Variants in BBS9 observed in about 807,000 individuals in gnomAD.
BBS9 encodes the protein Bardet-Biedl syndrome 9, also known as protein PTHB1.
Under a neutral mutation model 117.7 loss-of-function variants are expected in BBS9, and 89 were observed. The observed-to-expected ratio is 0.76, with a 90% CI of 0.64 to 0.90. The LOEUF is 0.90. Ranked by LOEUF, BBS9 falls within the 40% of genes least tolerant of loss-of-function variation. The pLI, the probability that BBS9 is intolerant of heterozygous loss-of-function variation, is 0.00. For synonymous variants in BBS9, 379 were observed against 370.9 expected, an observed-to-expected ratio of 1.02 and a Z score of -0.25; for missense variants, 982 against 1,042.2, an observed-to-expected ratio of 0.94 and a Z score of 0.80.
At chr7:33,288,622 A>G (rs1803378551) in intron 9 of BBS9, among the ~76,000 whole-genome samples, 1 of 152,142 alleles carries the variant, frequency 6.6e-6, no homozygotes, top group South Asian at 2.1e-4. Context: ...TTATGTTCAA[A>G]TGTTTTTGAG....
chr7:33,292,507 A>G (rs1804273017), intron 9 of BBS9, among the ~76,000 whole-genome samples: 1 of 152,128 alleles, frequency 6.6e-6, no homozygotes, highest in Admixed American at 6.5e-5. Context: ...GATTACAGGC[A>G]TGACCCACCG....
intron 20 of BBS9, among the ~76,000 whole-genome samples, chr7:33,528,437 A>G (rs548343972): frequency 9.2e-5 from 14 of 152,158 alleles, no homozygotes; most frequent in African/African-American, 3.4e-4. Context: ...TTTTCCCTAT[A>G]CCACTGTAGT....
At position 33,357,857 on chromosome 7, in the gene BBS9, A is replaced by G. The variant is rs767182913; in HGVS notation, c.1555A>G (p.Ile519Val). 1 of 1,611,770 alleles carries G rather than the reference A, an allele frequency of 6.2e-7. No homozygotes were observed. The highest frequency in any genetic ancestry group is 8.5e-7 in the Non-Finnish European group (1 of 1,178,206). The change falls in exon 16 of 23, where the codon ATT (isoleucine) becomes GTT (valine). Residue 519 changes from isoleucine to valine, a missense_variant and splice_region_variant. Coordinates refer to ENST00000242067, the MANE Select transcript of BBS9 (RefSeq NM_198428.3). ...TACATATCTCTCTTTTATTTTAGGC[A>G]TTCCGCGAGTTATCCAATGTAAATT... ...SRPTDRNPDGIPRVIQCKFRL... is the reference protein window; with the variant it reads ...SRPTDRNPDGVPRVIQCKFRL...
intron 5 of BBS9, among the ~76,000 whole-genome samples, chr7:33,256,193 C>T (rs1295133922): frequency 6.6e-6 from 1 of 151,800 alleles, no homozygotes; most frequent in African/African-American, 2.4e-5. Flanking sequence ...AAAACCAAAA[C>T]AACAAAAACA....
At chr7:33,142,033 T>G (rs1791551297) in intron 1 of BBS9, among the ~76,000 whole-genome samples, 1 of 152,118 alleles carries the variant, frequency 6.6e-6, no homozygotes, top group African/African-American at 2.4e-5. Context: ...CCTCCCGGGT[T>G]CATGCCATTC....
At chr7:33,580,750 A>C (rs1859739026) in intron 21 of BBS9, among the ~76,000 whole-genome samples, 1 of 152,174 alleles carries the variant, frequency 6.6e-6, no homozygotes, top group African/African-American at 2.4e-5. Flanking sequence ...ATACAATAGA[A>C]ATCATTCTAT....
At chr7:33,532,296 G>C (rs571221031) in intron 20 of BBS9, among the ~76,000 whole-genome samples, 1 of 152,366 alleles carries the variant, frequency 6.6e-6, no homozygotes, top group Non-Finnish European at 1.5e-5. Flanking sequence ...ATACAGTGGA[G>C]CAAGAGCTGG....
intron 4 of BBS9, among the ~76,000 whole-genome samples, chr7:33,159,227 AT>A (rs1794496361): frequency 6.6e-6 from 1 of 152,178 alleles, no homozygotes; most frequent in African/African-American, 2.4e-5. Context: ...ATTTTGAGAG[AT>A]TGACCACAAC....
chr7:33,202,723 G>T (rs540145523), intron 5 of BBS9, among the ~76,000 whole-genome samples: 4 of 152,184 alleles, frequency 2.6e-5, no homozygotes, highest in African/African-American at 9.6e-5. Context: ...GCAAGGGGGA[G>T]GTCTGCCCCC....
chr7:33,432,534 T>A (rs1396157283), intron 19 of BBS9, among the ~76,000 whole-genome samples: 2 of 152,164 alleles, frequency 1.3e-5, no homozygotes, highest in African/African-American at 4.8e-5. Flanking sequence ...AACTAGCTAA[T>A]ATCATCCAAT....
At chr7:33,397,730 C>T (rs1828227410) in intron 19 of BBS9, among the ~76,000 whole-genome samples, 1 of 152,138 alleles carries the variant, frequency 6.6e-6, no homozygotes, top group Non-Finnish European at 1.5e-5. Context: ...GAAAACCAAA[C>T]ACTGCATGTT....
At chr7:33,559,875 A>G (rs1855837083) in intron 21 of BBS9, among the ~76,000 whole-genome samples, 2 of 151,988 alleles carry the variant, frequency 1.3e-5, no homozygotes, top group African/African-American at 4.8e-5. Context: ...AAGGATGCAT[A>G]TTCTCCTTTG....
chr7:33,432,081 C>G (rs537444810), intron 19 of BBS9, among the ~76,000 whole-genome samples: 1 of 150,730 alleles, frequency 6.6e-6, no homozygotes, highest in African/African-American at 2.4e-5. Context: ...TTTTTTCTTT[C>G]TTTCTTTCTT....
intron 5 of BBS9, among the ~76,000 whole-genome samples, chr7:33,211,372 C>G (rs893005396): frequency 6.6e-6 from 1 of 151,982 alleles, no homozygotes; most frequent in Non-Finnish European, 1.5e-5. Context: ...CAAAGACTGT[C>G]TTATTACCCA....
intron 21 of BBS9, among the ~76,000 whole-genome samples, chr7:33,581,020 G>A (rs547762743): frequency 1.8e-4 from 27 of 152,178 alleles, no homozygotes; most frequent in South Asian, 4.1e-4. Flanking sequence ...GGCCATGGCC[G>A]TCAGAGAAAG....
At chr7:33,332,592 G>T (rs993677750) in intron 9 of BBS9, among the ~76,000 whole-genome samples, 10 of 152,046 alleles carry the variant, frequency 6.6e-5, no homozygotes, top group African/African-American at 2.2e-4. Flanking sequence ...CAGGAGAATC[G>T]CTTGAACCCG....
At chr7:33,610,379 A>C (rs187409922), downstream of BBS9, among the ~76,000 whole-genome samples, 981 of 152,218 alleles carry the variant, frequency 6.4e-3, 6 homozygotes, top group Admixed American at 0.012. Flanking sequence ...GGAAGCTGGG[A>C]AGTCCAAGAT....
intron 5 of BBS9, among the ~76,000 whole-genome samples, chr7:33,229,834 T>A (rs1723318694): frequency 6.6e-6 from 1 of 152,180 alleles, no homozygotes. Flanking sequence ...GAAACCTCCA[T>A]CCTATTTTCC....
intron 5 of BBS9, among the ~76,000 whole-genome samples, chr7:33,220,200 T>C (rs1789968231): frequency 6.6e-6 from 1 of 152,146 alleles, no homozygotes; most frequent in African/African-American, 2.4e-5. Flanking sequence ...ATTTTGCAGA[T>C]GAGGAAACTA....
Sources: allele counts gnomAD v4.1 joint callset (sites outside exome capture counted in the v4.1 genomes callset), GRCh38; gene constraint gnomAD v4.1.1; transcripts MANE v1.5; gene names NCBI Gene and HGNC (gene_info 2026-07-23, HGNC 2026-07-21).